The following HECTD4 variants were observed in gnomAD, a reference collection of about 807,000 sequenced individuals.
HECTD4 encodes the protein HECT domain E3 ubiquitin protein ligase 4, also known as probable E3 ubiquitin-protein ligase HECTD4.
HECTD4 carries 114 observed loss-of-function variants against 471.5 expected under a neutral mutation model. The observed-to-expected ratio is 0.24, with a 90% CI of 0.21 to 0.28. HECTD4 has a LOEUF of 0.28. Ranked by LOEUF, HECTD4 falls within the 10% of genes least tolerant of loss-of-function variation. The probability of loss-of-function intolerance (pLI) is 1.00; values close to 1 mark genes in which losing one functional copy is unlikely to be tolerated. For missense variants in HECTD4, 3,866 were observed against 5,651.5 expected, an observed-to-expected ratio of 0.68 and a Z score of 10.13; for synonymous variants, 2,012 against 2,256.0, an observed-to-expected ratio of 0.89 and a Z score of 3.07.
chr12:112,223,715 C>T (rs553226986), intron 44 of HECTD4, among the ~76,000 whole-genome samples: 34 of 152,244 alleles, frequency 2.2e-4, no homozygotes, highest in Non-Finnish European at 3.7e-4. Flanking sequence ...CCACCACGTC[C>T]GGCCTTCAGG....
At chr12:112,191,886 T>G (rs2032091924) in intron 59 of HECTD4, among the ~76,000 whole-genome samples, 1 of 151,924 alleles carries the variant, frequency 6.6e-6, no homozygotes, top group South Asian at 2.1e-4. Context: ...AAAGTTCACA[T>G]GTTTTCTGTC....
chr12:112,220,101 G>A (rs1001578908), intron 44 of HECTD4, among the ~76,000 whole-genome samples: 27 of 152,166 alleles, frequency 1.8e-4, no homozygotes, highest in Non-Finnish European at 3.8e-4. Context: ...GGGCTGTTGT[G>A]AAGATGTGAT....
intron 61 of HECTD4, among the ~76,000 whole-genome samples, chr12:112,183,781 A>C (rs2137026527): frequency 6.6e-6 from 1 of 152,364 alleles, no homozygotes; most frequent in African/African-American, 2.4e-5. Context: ...ACTAGCATGC[A>C]GGTCATCTGA....
intron 24 of HECTD4, among the ~76,000 whole-genome samples, chr12:112,250,623 C>T (rs1214683242): frequency 6.6e-6 from 1 of 152,190 alleles, no homozygotes; most frequent in Non-Finnish European, 1.5e-5. Context: ...GAAAGAATGA[C>T]ATGGTTAATA....
chr12:112,302,615 C>T, intron 7 of HECTD4: 1 of 643,574 alleles, frequency 1.6e-6, no homozygotes, highest in Non-Finnish European at 2.8e-6. Context: ...TGCTTCTTCA[C>T]AACAGCAGGG....
chr12:112,258,449 CA>C (rs1249559261), intron 20 of HECTD4, 46 bp downstream of exon 20: 1 of 1,369,842 alleles, frequency 7.3e-7, no homozygotes, highest in Non-Finnish European at 9.9e-7. Context: ...CGCTTTCACC[CA>C]AAGAAAACAA....
rs1052075604 is a variant in HECTD4 at position 112,381,775 on chromosome 12, G to A, written c.177+177C>T. Among the ~76,000 whole-genome samples the A allele has an allele frequency of 6.6e-6, 1 of 151,996 alleles. No individual in the cohort carries two copies. Among genetic ancestry groups the A allele is most frequent in the Non-Finnish European group, 1.5e-5 (1 of 67,904 alleles). On this transcript the variant is annotated intron_variant, in intron 1 of 75. Transcript: ENST00000682272. The surrounding 1 kb of genome is among the most constrained non-coding windows in gnomAD (Gnocchi z 4.1). The stretch of plus-strand genomic sequence containing the variant: ...CGAGGAGGGAGGGAGGGAGAGCGGG[G>A]CGGGCGGTCCGCAGACCTGCGGCCG...
rs548947172 is a variant in HECTD4, at chr12:112,358,202, C to A, written c.177+23750G>T. On this transcript the variant is annotated intron_variant, in intron 1 of 75. Transcript: ENST00000682272. ...CTGGTGATAGAGCAAGATTCTGTCT[C>A]AAAAAAAATAAAAAATAATTCCTAT... is the stretch of plus-strand genomic sequence containing the variant. 1.5e-3 allele frequency among the ~76,000 whole-genome samples: 220 copies of A among 151,126 alleles called. 2 individuals are homozygous for A. The highest frequency in any genetic ancestry group is 1.2e-3 in the Non-Finnish European group (84 of 67,778).
In HECTD4 at chr12:112,330,701, T is replaced by C. The variant is rs571128165; in HGVS notation, c.178-10959A>G. The stretch of plus-strand genomic sequence containing the variant: ...AGCACAGTGTCTGGCACATAAATGT[T>C]TGATAAATTAATGAATGAGAAGATA... On this transcript the variant is annotated intron_variant, in intron 1 of 75. Coordinates refer to ENST00000682272, the MANE Select transcript of HECTD4 (RefSeq NM_001388303.1). Among the ~76,000 whole-genome samples, 72 of 152,318 alleles carry C rather than the reference T, an allele frequency of 4.7e-4. No homozygotes were observed. In the South Asian group the frequency reaches 0.014, roughly 30 times the overall value.
intron 54 of HECTD4, among the ~76,000 whole-genome samples, chr12:112,202,614 G>A (rs1001927643): frequency 6.6e-6 from 1 of 152,154 alleles, no homozygotes; most frequent in Non-Finnish European, 1.5e-5. Flanking sequence ...AGTGATTGAT[G>A]ATATTAATAT....
At chr12:112,204,351 T>C in intron 53 of HECTD4, 135 bp downstream of exon 53, 1 of 839,118 alleles carries the variant, frequency 1.2e-6, no homozygotes. Flanking sequence ...CATGGGGCGG[T>C]GTGGAAGAGG....
chr12:112,191,773 G>A (rs1384364587), intron 59 of HECTD4, among the ~76,000 whole-genome samples: 2 of 152,202 alleles, frequency 1.3e-5, no homozygotes, highest in African/African-American at 4.8e-5. Flanking sequence ...AAGTTGTTTA[G>A]CAATGACCAA....
rs750477613 is a variant in HECTD4, at chr12:112,251,150, G to A, written c.3553-16C>T. The A allele has an allele frequency of 1.9e-6, 3 of 1,611,632 alleles. No homozygotes were observed. Among genetic ancestry groups the A allele is most frequent in the Admixed American group, 3.3e-5 (2 of 59,806 alleles). ...CCGAAGACTCCTACAATGCAGACAG[G>A]GGTAAACCACACTGGTCAGTGTACA... On this transcript the variant is annotated splice_polypyrimidine_tract_variant and intron_variant, in intron 23 of 75. Coordinates refer to ENST00000682272, the MANE Select transcript of HECTD4 (RefSeq NM_001388303.1).
At chr12:112,353,903 G>C (rs1049603010) in intron 1 of HECTD4, among the ~76,000 whole-genome samples, 1 of 152,000 alleles carries the variant, frequency 6.6e-6, no homozygotes, top group African/African-American at 2.4e-5. Context: ...ATATGTGCTC[G>C]ACAGGATTAA....
intron 1 of HECTD4, among the ~76,000 whole-genome samples, chr12:112,368,816 A>G (rs1424803819): frequency 6.6e-6 from 1 of 152,222 alleles, no homozygotes; most frequent in Non-Finnish European, 1.5e-5. Flanking sequence ...TATAATCAAA[A>G]AGGTTTTACA....
Position 112,168,004 on chromosome 12 carries a change from G to A in HECTD4, c.12209-87C>T, listed in dbSNP as rs1320748559. ...CTCCCTCTCACCTGCTGGCTGGAGC[G>A]GCTACTCCTTCCACGGCCTACCTGC... On this transcript the variant is annotated intron_variant, in intron 70 of 75. Coordinates refer to ENST00000682272, the MANE Select transcript of HECTD4 (RefSeq NM_001388303.1). 1.9e-5 allele frequency: 21 copies of A among 1,093,852 alleles called. No individual in the cohort carries two copies. The East Asian group carries it at 2.6e-4, about 14-fold the overall frequency. 67.8% of individuals were successfully genotyped at this position (1,093,852 alleles called of 1,614,324 possible).
At chr12:112,277,306 AT>A (rs2034546056) in intron 9 of HECTD4, among the ~76,000 whole-genome samples, 1 of 152,164 alleles carries the variant, frequency 6.6e-6, no homozygotes, top group South Asian at 2.1e-4. Flanking sequence ...CGAAAACATT[AT>A]GTTAAGTTTA....
chr12:112,212,199 A>G (rs1832781337), intron 49 of HECTD4, among the ~76,000 whole-genome samples: 1 of 152,202 alleles, frequency 6.6e-6, no homozygotes, highest in Non-Finnish European at 1.5e-5. Context: ...TTTTACTGAC[A>G]TTTGAAAGAA....
intron 28 of HECTD4, 29 bp downstream of exon 28, chr12:112,247,433 T>C: frequency 8.9e-7 from 1 of 1,121,104 alleles, no homozygotes; most frequent in Non-Finnish European, 1.3e-6. Flanking sequence ...AAGGTGATAA[T>C]AGCCTTAATA....
Sources: gnomAD v4.1 joint callset for allele counts (sites outside exome capture counted in the v4.1 genomes callset) on GRCh38, gnomAD v4.1.1 for gene constraint, Gnocchi (gnomAD v3.1) non-coding constraint, MANE v1.5 for transcripts, NCBI Gene and HGNC (gene_info 2026-07-23, HGNC 2026-07-21) for gene names.